Variants in KDM6A observed in about 807,000 individuals in gnomAD.
The protein encoded by KDM6A is lysine-specific demethylase 6A.
Under a neutral mutation model 117.6 loss-of-function variants are expected in KDM6A, and 11 were observed. That is an observed-to-expected ratio of 0.09 (90% CI 0.06 to 0.15). The LOEUF (loss-of-function observed/expected upper bound fraction) is 0.15, where lower values mean the gene tolerates loss of function less well. Ranked by LOEUF, KDM6A falls within the 10% of genes least tolerant of loss-of-function variation. KDM6A has a pLI of 1.00. For missense variants in KDM6A, 799 were observed against 1,077.3 expected, an observed-to-expected ratio of 0.74 and a Z score of 3.62; for synonymous variants, 384 against 396.1, an observed-to-expected ratio of 0.97 and a Z score of 0.36.
intron 6 of KDM6A, among the ~76,000 whole-genome samples, chrX:45,031,799 T>C (rs1453068382): frequency 9.0e-6 from 1 of 111,518 alleles, no homozygotes; most frequent in African/African-American, 3.3e-5. Flanking sequence ...GAAACTCAAG[T>C]TTTATGTGTT....
chrX:45,005,954 CCCCCCCACCCCCCCA>C (rs2041425309), intron 4 of KDM6A, among the ~76,000 whole-genome samples: 1 of 45,640 alleles, frequency 2.2e-5, no homozygotes, highest in Non-Finnish European at 3.8e-5. Context: ...CTTCACCTCA[CCCCCCCACCCCCCCA>C]CCCCCCCCAC....
In KDM6A at chrX:44,962,035, C is replaced by T. The variant is rs144477643; in HGVS notation, c.334+643C>T. On this transcript the variant is annotated intron_variant, in intron 3 of 29. Transcript: ENST00000611820. ...CTTCCAATACCAAAGAAAAAATCCA[C>T]ATTAAAAGAAAATTATTATTATGAC... Among the ~76,000 whole-genome samples the T allele has an allele frequency of 5.9e-3, 655 of 111,553 alleles. 5 individuals carry two copies. Among genetic ancestry groups the T allele is most frequent in the African/African-American group, 0.02 (616 of 30,649 alleles).
rs751119417 is a variant in KDM6A, at chrX:45,063,735, C to A, written c.1997C>A (p.Ala666Glu). The A allele has an allele frequency of 1.7e-6, 2 of 1,207,844 alleles. No individual in the cohort carries two copies. The highest frequency in any genetic ancestry group is 5.9e-5 in the East Asian group (2 of 33,741). Residue 666 changes from alanine to glutamate, a missense_variant, in exon 17 of 30, where the codon GCA (alanine) becomes GAA (glutamate). Physicochemically the swap from Ala to Glu is moderately radical, Grantham distance 107. Coordinates refer to ENST00000611820, the MANE Select transcript of KDM6A (RefSeq NM_001291415.2). ...NGNVPYLQRN[A>E]LTLPHNRTNL... ...AACGTGCCTTACCTGCAGCGAAACGCACTCACTCTACCTCATAACCGCACA... is the reference window on the plus strand; with the variant it reads ...AACGTGCCTTACCTGCAGCGAAACGAACTCACTCTACCTCATAACCGCACA...
chrX:44,918,531 A>G (rs2035703409), intron 2 of KDM6A, among the ~76,000 whole-genome samples: 2 of 111,690 alleles, frequency 1.8e-5, no homozygotes, highest in African/African-American at 3.2e-5. Flanking sequence ...GAAGAATAAG[A>G]ATGCTTTATC....
chrX:45,072,824 A>C (rs2044914957), intron 18 of KDM6A, among the ~76,000 whole-genome samples: 1 of 108,435 alleles, frequency 9.2e-6, no homozygotes, highest in East Asian at 2.8e-4. Context: ...AGTTTTCATA[A>C]GTTTGTATTA....
At chrX:44,951,774 C>T (rs1017430783) in intron 2 of KDM6A, among the ~76,000 whole-genome samples, 1 of 111,051 alleles carries the variant, frequency 9.0e-6, no homozygotes, top group African/African-American at 3.3e-5. Flanking sequence ...GGTCCCTGGG[C>T]ATGACCTGAG....
chrX:45,098,518 A>G (rs1183199815), intron 27 of KDM6A, among the ~76,000 whole-genome samples: 1 of 112,868 alleles, frequency 8.9e-6, no homozygotes, highest in Non-Finnish European at 1.9e-5. Context: ...GATAAAGAAG[A>G]AATGAGTTGG....
intron 4 of KDM6A, among the ~76,000 whole-genome samples, chrX:44,982,026 T>G (rs1459543963): frequency 8.9e-6 from 1 of 111,756 alleles, no homozygotes; most frequent in Non-Finnish European, 1.9e-5. Context: ...GAGGTTGCAG[T>G]GAGCCGAGAT....
chrX:44,980,246 G>A (rs2039832055), intron 4 of KDM6A, among the ~76,000 whole-genome samples: 1 of 110,835 alleles, frequency 9.0e-6, no homozygotes, highest in South Asian at 3.8e-4. Context: ...CGCCTGCCTC[G>A]GCCTCCCAAA....
chrX:44,969,893 A>G, intron 3 of KDM6A, among the ~76,000 whole-genome samples: 1 of 112,445 alleles, frequency 8.9e-6, no homozygotes, highest in Non-Finnish European at 1.9e-5. Flanking sequence ...TTGTATGAGG[A>G]TGTCCAAATA....
At chrX:44,928,466 C>G (rs2146943142) in intron 2 of KDM6A, among the ~76,000 whole-genome samples, 1 of 111,219 alleles carries the variant, frequency 9.0e-6, no homozygotes, top group Non-Finnish European at 1.9e-5. Flanking sequence ...TAATGAGATT[C>G]CAGTATGTAA....
At chrX:45,042,144 C>G (rs1193336466) in intron 8 of KDM6A, among the ~76,000 whole-genome samples, 3 of 107,654 alleles carry the variant, frequency 2.8e-5, no homozygotes, top group Non-Finnish European at 3.8e-5. Context: ...CGCAGGCACT[C>G]GGCAGGCTGA....
intron 2 of KDM6A, among the ~76,000 whole-genome samples, chrX:44,915,693 C>T (rs1410226991): frequency 9.0e-6 from 1 of 111,203 alleles, no homozygotes; most frequent in Non-Finnish European, 1.9e-5. Flanking sequence ...TGAATTATCC[C>T]TTTGTCCAGC....
chrX:45,079,701 G>A (rs776450195), intron 21 of KDM6A, among the ~76,000 whole-genome samples: 3 of 111,498 alleles, frequency 2.7e-5, no homozygotes, highest in South Asian at 3.7e-4. Flanking sequence ...GTGCTACCAC[G>A]CCCAGCTAAC....
At chrX:44,890,881 T>C (rs2033308495) in intron 2 of KDM6A, among the ~76,000 whole-genome samples, 1 of 109,980 alleles carries the variant, frequency 9.1e-6, no homozygotes, top group Non-Finnish European at 1.9e-5. Context: ...CTCGAACTCC[T>C]GACCTCAGGT....
At chrX:45,029,481 G>A (rs988369773) in intron 6 of KDM6A, among the ~76,000 whole-genome samples, 1 of 109,345 alleles carries the variant, frequency 9.1e-6, no homozygotes, top group Admixed American at 9.8e-5. Flanking sequence ...GGGTGCTGGT[G>A]TGTGCCAGTA....
intron 3 of KDM6A, among the ~76,000 whole-genome samples, chrX:44,965,511 C>G (rs2038962763): frequency 9.0e-6 from 1 of 111,450 alleles, no homozygotes; most frequent in Non-Finnish European, 1.9e-5. Flanking sequence ...TATTAATATG[C>G]ATAATTTCAA....
At chrX:44,994,425 A>G (rs2040768265) in intron 4 of KDM6A, among the ~76,000 whole-genome samples, 1 of 112,009 alleles carries the variant, frequency 8.9e-6, no homozygotes, top group Admixed American at 9.5e-5. Flanking sequence ...CCATGTTGTC[A>G]CAAATGACAG....
chrX:44,984,109 G>C lies in KDM6A; in HGVS notation c.384+9394G>C, dbSNP rs1322991103. Among the ~76,000 whole-genome samples the C allele has an allele frequency of 1.5e-4, 16 of 110,083 alleles. No homozygotes were observed. The South Asian group carries it at 1.5e-3, about 10-fold the overall frequency. The stretch of plus-strand genomic sequence containing the variant: ...CTTTTTAATGATTGCCATTCTAACT[G>C]GTGTGAGATGGTATCTCATTGTGGT... On this transcript the variant is annotated intron_variant, in intron 4 of 29. Coordinates refer to ENST00000611820, the MANE Select transcript of KDM6A (RefSeq NM_001291415.2).
Sources: gnomAD v4.1 joint callset for allele counts (sites outside exome capture counted in the v4.1 genomes callset) on GRCh38, gnomAD v4.1.1 for gene constraint, MANE v1.5 for transcripts, NCBI Gene and HGNC (gene_info 2026-07-23, HGNC 2026-07-21) for gene names.